INCA1: variants seen among roughly 807,000 people sequenced by gnomAD.
INCA1 encodes the protein inhibitor of CDK, cyclin A1 interacting protein 1.
In INCA1, 28 loss-of-function variants were observed where a neutral mutation model predicts 25.7. The ratio of observed to expected loss-of-function variants is 1.09; its 90% CI spans 0.81 to 1.49. The LOEUF (loss-of-function observed/expected upper bound fraction) is 1.49, where lower values mean the gene tolerates loss of function less well. Ranked by LOEUF, INCA1 falls within the 40% of genes most tolerant of loss-of-function variation. INCA1 has a pLI of 0.00. For missense variants in INCA1, 309 were observed against 290.9 expected (o/e 1.06, Z -0.45); for synonymous variants, 111 against 103.6 (o/e 1.07, Z -0.43).
intron 2 of INCA1, among the ~76,000 whole-genome samples, chr17:4,993,131 T>C (rs1973988818): frequency 6.6e-6 from 1 of 151,762 alleles, no homozygotes; most frequent in South Asian, 2.1e-4. Flanking sequence ...CCGCCCGCCT[T>C]GGCCTCCCAA....
chr17:4,994,361 T>G, intron 2 of INCA1, 33 bp downstream of exon 2: 1 of 1,608,932 alleles, frequency 6.2e-7, no homozygotes, highest in Non-Finnish European at 8.5e-7. Flanking sequence ...CTCCATCCCA[T>G]CCCCATGCTC....
rs183117008 is a variant in INCA1 at position 4,994,661 on chromosome 17, G to A, written c.-38-186C>T. Among the ~76,000 whole-genome samples, 266 of 151,864 alleles carry A rather than the reference G, an allele frequency of 1.8e-3. 1 individual carries two copies. Among genetic ancestry groups the A allele is most frequent in the Middle Eastern group, 0.01 (3 of 294 alleles). ...AAACATTAGTCGGGTGTGGTGGCGCGCGCCTATAGTCCCAGCTACCCAGAA... is the reference window on the plus strand; with the variant it reads ...AAACATTAGTCGGGTGTGGTGGCGCACGCCTATAGTCCCAGCTACCCAGAA... On this transcript the variant is annotated intron_variant, in intron 1 of 6. Coordinates refer to ENST00000576820, the Ensembl canonical transcript of INCA1.
chr17:4,988,266 G>C (rs1169592653), exon 7 of INCA1: 1 of 957,614 alleles, frequency 1.0e-6, no homozygotes, highest in Non-Finnish European at 1.5e-6. Flanking sequence ...TTAATGCCTA[G>C]TTCAGAGGAT....
exon 7 of INCA1, chr17:4,988,400 T>C (rs769386193): frequency 6.3e-7 from 1 of 1,588,286 alleles, no homozygotes; most frequent in East Asian, 2.2e-5. Flanking sequence ...ATCGGTGGTT[T>C]CTCCTTACTC....
At chr17:4,994,294 T>C in intron 2 of INCA1, 100 bp downstream of exon 2, 1 of 1,084,802 alleles carries the variant, frequency 9.2e-7, no homozygotes, top group Non-Finnish European at 1.4e-6. Flanking sequence ...AGGCATTGCA[T>C]TTCCCGTTCT....
chr17:4,996,967 A>AT (rs1974333330), intron 1 of INCA1: 1 of 153,264 alleles, frequency 6.5e-6, no homozygotes, highest in Non-Finnish European at 1.5e-5. Flanking sequence ...GCTGCGGGGC[A>AT]TTCGGGCCTC....
chr17:4,997,278 C>G (rs910330336), upstream of INCA1: 2 of 152,234 alleles, frequency 1.3e-5, no homozygotes, highest in Admixed American at 6.5e-5. Flanking sequence ...CTGCTTCCCT[C>G]GAGAGGGGCC....
intron 6 of INCA1, 24 bp from the exon 7 acceptor site, chr17:4,988,578 A>C: frequency 6.2e-7 from 1 of 1,607,514 alleles, no homozygotes; most frequent in Non-Finnish European, 8.5e-7. Context: ...AGAAATTGAA[A>C]AAGAAAATGG....
exon 6 of INCA1, chr17:4,988,927 C>A: frequency 6.2e-7 from 1 of 1,613,970 alleles, no homozygotes; most frequent in East Asian, 2.2e-5. Flanking sequence ...AGAGCTGCCC[C>A]ACTGGGCCTT....
intron 2 of INCA1, among the ~76,000 whole-genome samples, chr17:4,992,473 G>A (rs1973936776): frequency 1.3e-5 from 2 of 152,110 alleles, no homozygotes; most frequent in South Asian, 4.1e-4. Flanking sequence ...TATCAGAGAT[G>A]AGGTCTCACT....
chr17:4,992,878 T>C (rs912279324), intron 2 of INCA1, among the ~76,000 whole-genome samples: 4 of 151,608 alleles, frequency 2.6e-5, no homozygotes, highest in Admixed American at 2.0e-4. Context: ...CTTAGCATAG[T>C]GTTTTGTTTT....
intron 1 of INCA1, among the ~76,000 whole-genome samples, chr17:4,995,034 C>A (rs1012363866): frequency 6.6e-6 from 1 of 151,406 alleles, no homozygotes; most frequent in Non-Finnish European, 1.5e-5. Context: ...GGAGAAACCC[C>A]GTCTCTACTA....
intron 1 of INCA1, among the ~76,000 whole-genome samples, chr17:4,996,651 AGC>A (rs1567714784): frequency 7.2e-6 from 1 of 138,978 alleles, no homozygotes; most frequent in Non-Finnish European, 1.5e-5. Context: ...TGGGCAACAG[AGC>A]AAGACTCCGT....
chr17:4,995,621 G>A (rs776971168), intron 1 of INCA1, among the ~76,000 whole-genome samples: 13 of 151,458 alleles, frequency 8.6e-5, no homozygotes, highest in Non-Finnish European at 1.6e-4. Flanking sequence ...ACAGAGAGAC[G>A]TCATCTCTAT....
At position 4,990,169 on chromosome 17, in the gene INCA1, G is replaced by A. The variant is rs146922811; in HGVS notation, c.141C>T (p.Asn47=). 2.5e-6 allele frequency: 4 copies of A among 1,614,172 alleles called. No homozygotes were observed. In the East Asian group the frequency reaches 8.9e-5, roughly 36 times the overall value. Residue 47 remains asparagine (N), a synonymous_variant, in exon 3 of 7, where the codon AAC becomes AAT. Transcript: ENST00000576820. ...CTACTCACGTGGGCCTTTGATTAAGGTTCTTCCAGAAGACATCTCCATAAC... is the reference window on the plus strand; with the variant it reads ...CTACTCACGTGGGCCTTTGATTAAGATTCTTCCAGAAGACATCTCCATAAC...
At chr17:4,988,318 C>A (rs1597795833) in exon 7 of INCA1, 4 of 1,421,836 alleles carry the variant, frequency 2.8e-6, no homozygotes, top group Non-Finnish European at 2.8e-6. Context: ...GAAACGCCTT[C>A]ATGTCAGCAA....
chr17:4,995,731 A>T (rs2143256853), intron 1 of INCA1: 1 of 151,950 alleles, frequency 6.6e-6, no homozygotes, highest in African/African-American at 2.4e-5. Flanking sequence ...GGAGTTCGAG[A>T]CCAGTCTGAC....
exon 3 of INCA1, chr17:4,990,158 C>G: frequency 3.7e-6 from 6 of 1,614,152 alleles, no homozygotes; most frequent in Non-Finnish European, 5.1e-6. Context: ...TCACGTGGGC[C>G]TTTGATTAAG....
chr17:4,989,164 T>C (rs748561239), intron 5 of INCA1, among the ~76,000 whole-genome samples: 1 of 152,192 alleles, frequency 6.6e-6, no homozygotes, highest in Non-Finnish European at 1.5e-5. Context: ...TCCAGTTCTA[T>C]GGTTTGCTTT....
Sources: gnomAD v4.1 joint callset for allele counts (sites outside exome capture counted in the v4.1 genomes callset) on GRCh38, gnomAD v4.1.1 for gene constraint, MANE v1.5 for transcripts, NCBI Gene and HGNC (gene_info 2026-07-23, HGNC 2026-07-21) for gene names.